KCNIP2: variants seen among roughly 807,000 people sequenced by gnomAD.
The protein encoded by KCNIP2 is potassium voltage-gated channel interacting protein 2.
KCNIP2 carries 19 observed loss-of-function variants against 39.0 expected under a neutral mutation model. The observed-to-expected ratio is 0.49, with a 90% confidence interval of 0.34 to 0.71. The LOEUF is 0.71. Ranked by LOEUF, KCNIP2 falls within the 30% of genes least tolerant of loss-of-function variation. The probability of loss-of-function intolerance (pLI) is 0.01; values close to 1 mark genes in which losing one functional copy is unlikely to be tolerated. For synonymous variants in KCNIP2, 111 were observed against 131.2 expected (o/e 0.85, Z 1.05); for missense variants, 261 against 346.0 (o/e 0.75, Z 1.95).
Position 101,827,294 on chromosome 10 carries a change from G to A in KCNIP2, c.*59C>T, listed in dbSNP as rs1403597257. On this transcript the variant is annotated 3_prime_UTR_variant, in exon 10 of 10. Coordinates refer to ENST00000356640, the MANE Select transcript of KCNIP2 (RefSeq NM_173191.3). ...ACCTGGGAAGAGAAGGGTGAGGTCC[G>A]CCTGGACTAGGGTTAGAGCATGGTC... is the stretch of plus-strand genomic sequence containing the variant. 45 of 1,532,126 alleles carry A rather than the reference G, an allele frequency of 2.9e-5. No homozygotes were observed. In the Admixed American group the frequency reaches 5.4e-4, roughly 18 times the overall value. 94.9% of individuals were successfully genotyped at this position (1,532,126 alleles called of 1,614,324 possible). A position where few individuals can be genotyped will look rare whatever the true frequency, so the allele number is the denominator to read the frequency against.
In KCNIP2 at chr10:101,843,007, C is replaced by T. The variant is rs981170310; in HGVS notation, c.73+489G>A. Among the ~76,000 whole-genome samples the T allele has an allele frequency of 1.3e-5, 2 of 152,212 alleles. No homozygotes were observed. Among genetic ancestry groups the T allele is most frequent in the Non-Finnish European group, 2.9e-5 (2 of 68,034 alleles). On this transcript the variant is annotated intron_variant, in intron 1 of 9. Coordinates refer to ENST00000356640, the MANE Select transcript of KCNIP2 (RefSeq NM_173191.3). The surrounding 1 kb of genome is among the most constrained non-coding windows in gnomAD (Gnocchi z 6.7). ...CACTTCATACAGAATTACACACTCACAACACATCGTTGCACATAGAGACAC... is the reference window on the plus strand; with the variant it reads ...CACTTCATACAGAATTACACACTCATAACACATCGTTGCACATAGAGACAC...
Position 101,828,530 on chromosome 10 carries a change from A to AC in KCNIP2, c.419-72dup, listed in dbSNP as rs2065830431. ...TTCCTCCCTCTAAGGAGCTCCCCATACCCCCCATCACCTTGGCATTCCCAG... is the reference window on the plus strand; with the variant it reads ...TTCCTCCCTCTAAGGAGCTCCCCATACCCCCCCATCACCTTGGCATTCCCAG... On this transcript the variant is annotated intron_variant, in intron 5 of 9. Transcript: ENST00000356640. The surrounding 1 kb of genome is among the most constrained non-coding windows in gnomAD (Gnocchi z 6.6). 4 of 1,591,160 alleles carry AC rather than the reference A, an allele frequency of 2.5e-6. No homozygotes were observed. Among genetic ancestry groups the AC allele is most frequent in the Admixed American group, 3.4e-5 (2 of 59,120 alleles).
intron 1 of KCNIP2, among the ~76,000 whole-genome samples, chr10:101,832,793 T>C (rs2066040066): frequency 6.6e-6 from 1 of 150,462 alleles, no homozygotes; most frequent in Admixed American, 6.6e-5. Context: ...CTTCTAAGCC[T>C]CTGTCTCCTC....
chr10:101,834,302 T>C, intron 1 of KCNIP2: 1 of 399,196 alleles, frequency 2.5e-6, no homozygotes, highest in Non-Finnish European at 4.4e-6. Flanking sequence ...GCCAAACTGC[T>C]CCAGGACCTT....
rs531993035 is a variant in KCNIP2 at position 101,827,180 on chromosome 10, C to T, written c.*173G>A. Reference sequence around the variant, plus strand: ...CCCCGAGATGCACTCTGCCCACTCTCTGGCCCCTTCAGCTCCAGAGATCTG... The same window carrying T: ...CCCCGAGATGCACTCTGCCCACTCTTTGGCCCCTTCAGCTCCAGAGATCTG... On this transcript the variant is annotated 3_prime_UTR_variant, in exon 10 of 10. Transcript: ENST00000356640. 3.0e-6 allele frequency: 4 copies of T among 1,330,998 alleles called. No homozygotes were observed. The African/African-American group carries it at 5.8e-5, about 19-fold the overall frequency. 82.4% of individuals were successfully genotyped at this position (1,330,998 alleles called of 1,614,324 possible).
intron 1 of KCNIP2, 110 bp from the exon 2 acceptor site, chr10:101,831,277 G>T (rs2065983826): frequency 1.2e-6 from 1 of 839,446 alleles, no homozygotes; most frequent in African/African-American, 1.7e-5. Context: ...CGGGCTGGGG[G>T]AGGAATTAAG....
rs2065789530 is a variant in KCNIP2 at position 101,827,690 on chromosome 10, T to G, written c.764A>C (p.Lys255Thr). ...AATGTAGAGGGCAGGGAGCTGTACCTTTTGACAAGACTCAATGAATTCCTC... is the reference window on the plus strand; with the variant it reads ...AATGTAGAGGGCAGGGAGCTGTACCGTTTGACAAGACTCAATGAATTCCTC... ...TIEEFIESCQ[K>T]DENIMRSMQL... Residue 255 changes from lysine (K) to threonine (T), a missense_variant and splice_region_variant, in exon 9 of 10, where the codon AAG (lysine) becomes ACG (threonine). Coordinates refer to ENST00000356640, the MANE Select transcript of KCNIP2 (RefSeq NM_173191.3). The G allele has an allele frequency of 6.2e-7, 1 of 1,614,078 alleles. No individual in the cohort carries two copies. The highest frequency in any genetic ancestry group is 1.3e-5 in the African/African-American group (1 of 75,052).
chr10:101,834,360 C>T (rs2066082454), intron 1 of KCNIP2: 3 of 399,148 alleles, frequency 7.5e-6, no homozygotes, highest in African/African-American at 4.1e-5. Flanking sequence ...TCCAGCCCTT[C>T]CAGGTTCATG....
chr10:101,830,098 T>C (rs1048310907), intron 2 of KCNIP2, among the ~76,000 whole-genome samples: 4 of 152,200 alleles, frequency 2.6e-5, no homozygotes, highest in Admixed American at 2.6e-4. Flanking sequence ...CACCCCCGTG[T>C]GGGACCCATC....
intron 1 of KCNIP2, among the ~76,000 whole-genome samples, chr10:101,837,681 GATA>G (rs1267333465): frequency 6.6e-6 from 1 of 152,116 alleles, no homozygotes; most frequent in South Asian, 2.1e-4. Flanking sequence ...TAATAATAAT[GATA>G]ATAATAATGA....
In KCNIP2 at chr10:101,827,898, G is replaced by A. The variant is rs369344782; in HGVS notation, c.693C>T (p.Ser231=). 10 of 1,612,776 alleles carry A rather than the reference G, an allele frequency of 6.2e-6. No individual in the cohort carries two copies. The African/African-American group carries it at 1.3e-4, about 22-fold the overall frequency. ...REEAPREHVE[S]FFQKMDRNKD... ...ACCCACTCCCAAGTACCTGGAAGAA[G>A]CTCTCCACGTGTTCCCTTGGGGCCT... The change falls in exon 8 of 10, where the codon AGC becomes AGT. Residue 231 remains serine, a synonymous_variant. Coordinates refer to ENST00000356640, the MANE Select transcript of KCNIP2 (RefSeq NM_173191.3).
Position 101,843,185 on chromosome 10 carries a change from GCACA to G in KCNIP2, c.73+307_73+310del, listed in dbSNP as rs149732734. 3.3e-5 allele frequency among the ~76,000 whole-genome samples: 5 copies of G among 150,210 alleles called. No homozygotes were observed. Among genetic ancestry groups the G allele is most frequent in the African/African-American group, 7.3e-5 (3 of 41,000 alleles). ...GCAACCAGCTGTGGGAGGTGCGCGC[GCACA>G]CACACACACACACACAGAATGACAG... On this transcript the variant is annotated intron_variant, in intron 1 of 9. Transcript: ENST00000356640. This position sits in a 1 kb window ranked among gnomAD's most constrained non-coding sequence, Gnocchi z 6.7.
In KCNIP2 at chr10:101,830,444, C is replaced by A. The variant is rs746670361; in HGVS notation, c.170-547G>T. ...CTAACCCAGCTAAGCCACATACAGA[C>A]CCTCACGGCCGCCTGGTCTACACAG... On this transcript the variant is annotated intron_variant, in intron 2 of 9. Coordinates refer to ENST00000356640, the MANE Select transcript of KCNIP2 (RefSeq NM_173191.3). The A allele has an allele frequency of 2.3e-6, 3 of 1,290,748 alleles. No individual in the cohort carries two copies. The Admixed American group carries it at 7.3e-5, about 31-fold the overall frequency. The allele number at this position is 1,290,748 out of a possible 1,614,324, so 80.0% of individuals were successfully genotyped here. A position where few individuals can be genotyped will look rare whatever the true frequency, so the allele number is the denominator to read the frequency against.
At chr10:101,829,785 C>T in intron 3 of KCNIP2, 59 bp downstream of exon 3, 1 of 778,506 alleles carries the variant, frequency 1.3e-6, no homozygotes, top group South Asian at 2.2e-5. Context: ...AAGTGCCCCC[C>T]ACCCCAAGAT....
At chr10:101,836,109 A>G (rs1466731393) in intron 1 of KCNIP2, among the ~76,000 whole-genome samples, 2 of 152,138 alleles carry the variant, frequency 1.3e-5, no homozygotes, top group African/African-American at 4.8e-5. Flanking sequence ...GGTGGGGGCC[A>G]GTCCCTAAGG....
intron 1 of KCNIP2, among the ~76,000 whole-genome samples, chr10:101,832,324 G>C (rs941692685): frequency 2.6e-5 from 4 of 151,724 alleles, no homozygotes; most frequent in Admixed American, 2.0e-4. Flanking sequence ...GTGTGTGTGT[G>C]TGTGTGTGTG....
At chr10:101,835,772 T>C (rs2066135280) in intron 1 of KCNIP2, among the ~76,000 whole-genome samples, 1 of 152,198 alleles carries the variant, frequency 6.6e-6, no homozygotes, top group African/African-American at 2.4e-5. Flanking sequence ...TAACGGTGAC[T>C]GAGCATTCAC....
chr10:101,829,243 G>A lies in KCNIP2; in HGVS notation c.224-44C>T. ...CAGCCGCGCCTCAGGCCCAGCCTCC[G>A]CGACCCCTCTTCAAATCACTGCCCC... On this transcript the variant is annotated intron_variant, in intron 3 of 9. Coordinates refer to ENST00000356640, the MANE Select transcript of KCNIP2 (RefSeq NM_173191.3). 3.2e-6 allele frequency: 5 copies of A among 1,571,920 alleles called. No homozygotes were observed. In the South Asian group the frequency reaches 4.7e-5, roughly 15 times the overall value.
chr10:101,835,376 A>T (rs1288772441), intron 1 of KCNIP2, among the ~76,000 whole-genome samples: 1 of 152,032 alleles, frequency 6.6e-6, no homozygotes, highest in Non-Finnish European at 1.5e-5. Flanking sequence ...GAAAAAGGCC[A>T]CTTAACCCCA....
Sources: allele counts gnomAD v4.1 joint callset (sites outside exome capture counted in the v4.1 genomes callset), GRCh38; gene constraint gnomAD v4.1.1; non-coding constraint Gnocchi (gnomAD v3.1); transcripts MANE v1.5; gene names NCBI Gene and HGNC (gene_info 2026-07-23, HGNC 2026-07-21).